The following ACSM3 variants were observed in gnomAD, a reference collection of about 807,000 sequenced individuals.
The protein encoded by ACSM3 is acyl-CoA synthetase medium chain family member 3, also known as acyl-coenzyme A synthetase ACSM3, mitochondrial.
ACSM3 carries 61 observed loss-of-function variants against 74.1 expected under a neutral mutation model. That is an observed-to-expected ratio of 0.82 (90% CI 0.67 to 1.02). The LOEUF is 1.02. Ranked by LOEUF, ACSM3 falls within the 50% of genes least tolerant of loss-of-function variation. The pLI is 0.00. For missense variants in ACSM3, 660 were observed against 697.0 expected, an observed-to-expected ratio of 0.95 and a Z score of 0.60; for synonymous variants, 213 against 241.5, an observed-to-expected ratio of 0.88 and a Z score of 1.09.
At chr16:20,759,714 A>G (rs549787619), upstream of ACSM3, among the ~76,000 whole-genome samples, 1 of 152,198 alleles carries the variant, frequency 6.6e-6, no homozygotes, top group South Asian at 2.1e-4. Context: ...CTGGCTGTTC[A>G]TCTGTATCCT....
At chr16:20,753,984 T>C (rs1256064060) in intron 2 of ACSM3, among the ~76,000 whole-genome samples, 1 of 152,126 alleles carries the variant, frequency 6.6e-6, no homozygotes, top group Non-Finnish European at 1.5e-5. Context: ...GGGAGTAATA[T>C]CCTGGAGTAA....
Position 20,790,462 on chromosome 16 carries a change from C to T in ACSM3, c.1225-125C>T. On this transcript the variant is annotated intron_variant, in intron 9 of 13. Transcript: ENST00000289416. This position sits in a 1 kb window ranked among gnomAD's most constrained non-coding sequence, Gnocchi z 4.0. ...ACAAAGTGAGACCTTGTCTCACACA[C>T]ACAAAATTTTTTTTAAGTCTTCATT... is the stretch of plus-strand genomic sequence containing the variant. 2 of 890,116 alleles carry T rather than the reference C, an allele frequency of 2.2e-6. No homozygotes were observed. The highest frequency in any genetic ancestry group is 1.7e-5 in the African/African-American group (1 of 59,052). 55.1% of individuals were successfully genotyped at this position (890,116 alleles called of 1,614,324 possible). A position where few individuals can be genotyped will look rare whatever the true frequency, so the allele number is the denominator to read the frequency against.
intron 1 of ACSM3, among the ~76,000 whole-genome samples, chr16:20,748,381 G>A (rs1444659972): frequency 2.0e-5 from 3 of 152,010 alleles, no homozygotes; most frequent in African/African-American, 7.3e-5. Context: ...TATTTTAGGG[G>A]TCACACCATC....
chr16:20,790,762 A>T lies in ACSM3; in HGVS notation c.1326+74A>T. 6.2e-7 allele frequency: 1 copy of T among 1,613,520 alleles called. No individual in the cohort carries two copies. Among genetic ancestry groups the T allele is most frequent in the Non-Finnish European group, 8.5e-7 (1 of 1,179,550 alleles). Reference sequence around the variant, plus strand: ...TTGGTAACAATCCCTGTTTGCCACAAAACATACCTAGGATAGGTACTTGAC... The same window carrying T: ...TTGGTAACAATCCCTGTTTGCCACATAACATACCTAGGATAGGTACTTGAC... On this transcript the variant is annotated intron_variant, in intron 10 of 13. Coordinates refer to ENST00000289416, the MANE Select transcript of ACSM3 (RefSeq NM_005622.4). The surrounding 1 kb of genome is among the most constrained non-coding windows in gnomAD (Gnocchi z 4.0).
At chr16:20,713,672 T>G (rs552196683) in intron 1 of ACSM3, among the ~76,000 whole-genome samples, 122 of 152,246 alleles carry the variant, frequency 8.0e-4, no homozygotes, top group Non-Finnish European at 1.4e-3. Context: ...TTTGCAATAT[T>G]CTGTAGAGTC....
intron 12 of ACSM3, chr16:20,792,697 C>T (rs896364667): frequency 1.2e-5 from 12 of 985,252 alleles, no homozygotes; most frequent in South Asian, 4.7e-5. Flanking sequence ...TGGAAACCAA[C>T]GAGGTCCCTG....
intron 1 of ACSM3, among the ~76,000 whole-genome samples, chr16:20,686,706 T>C (rs2079559503): frequency 1.3e-5 from 2 of 151,888 alleles, no homozygotes; most frequent in Non-Finnish European, 2.9e-5. Flanking sequence ...CCCAGCTACT[T>C]GGGAGGCTGA....
At chr16:20,737,182 T>C (rs2079877662) in intron 1 of ACSM3, 2 of 1,614,170 alleles carry the variant, frequency 1.2e-6, no homozygotes, top group Non-Finnish European at 1.7e-6. Flanking sequence ...ATGTAATCTT[T>C]CACAACACTC....
chr16:20,733,086 C>A (rs1175428718), intron 1 of ACSM3: 1 of 152,526 alleles, frequency 6.6e-6, no homozygotes, highest in East Asian at 1.9e-4. Flanking sequence ...TGTTTAAGAT[C>A]CTTCCTGGTT....
In ACSM3 at chr16:20,780,784, G is replaced by A. The variant is rs1387889031; in HGVS notation, c.709G>A (p.Gly237Arg). Residue 237 changes from glycine (G) to arginine (R), a missense_variant, in exon 5 of 14, where the codon GGA (glycine) becomes AGA (arginine). Transcript: ENST00000289416. ...NEIMAIFFTS[G>R]TSGYPKMTAH... ...GATCATGGCCATATTCTTTACCAGT[G>A]GAACAAGTGGATATCCGAAAATGAC... is the stretch of plus-strand genomic sequence containing the variant. 6.2e-7 allele frequency: 1 copy of A among 1,614,056 alleles called. No homozygotes were observed. Among genetic ancestry groups the A allele is most frequent in the African/African-American group, 1.3e-5 (1 of 74,922 alleles).
chr16:20,775,266 G>A (rs1052563842), intron 2 of ACSM3, among the ~76,000 whole-genome samples: 1 of 152,154 alleles, frequency 6.6e-6, no homozygotes, highest in South Asian at 2.1e-4. Flanking sequence ...AGCAGCTCGG[G>A]TCCTGGGGTT....
chr16:20,773,162 T>C (rs1596513948), intron 2 of ACSM3, among the ~76,000 whole-genome samples: 1 of 152,154 alleles, frequency 6.6e-6, no homozygotes, highest in South Asian at 2.1e-4. Flanking sequence ...TGTTGGCATA[T>C]AGTTGTTCAT....
intron 1 of ACSM3, chr16:20,741,551 G>A (rs1313815135): frequency 1.3e-6 from 2 of 1,583,988 alleles, no homozygotes; most frequent in Admixed American, 1.8e-5. Flanking sequence ...CGTTGAGGAG[G>A]CTGTAGGCCT....
rs750977868 is a variant in ACSM3 at position 20,780,858 on chromosome 16, G to A, written c.782+1G>A. 11 of 1,614,078 alleles carry A rather than the reference G, an allele frequency of 6.8e-6. No individual in the cohort carries two copies. In the Admixed American group the frequency reaches 1.7e-4, roughly 24 times the overall value. On this transcript the variant is annotated splice_donor_variant, in intron 5 of 13. Coordinates refer to ENST00000289416, the MANE Select transcript of ACSM3 (RefSeq NM_005622.4). LOFTEE classifies it high-confidence loss of function. ...GTTTAGGATTATCTGTAAATGGAAG[G>A]TATACTTTCACAAAAGTGCAGCTTG...
chr16:20,741,796 G>C, intron 1 of ACSM3: 5 of 1,546,630 alleles, frequency 3.2e-6, no homozygotes, highest in South Asian at 1.2e-5. Context: ...TGGCGTCCTC[G>C]TCTATCGCCG....
chr16:20,729,416 G>A lies in ACSM3; in HGVS notation c.-189-20494G>A, dbSNP rs2079818680. The A allele has an allele frequency of 8.5e-6, 8 of 937,916 alleles. No homozygotes were observed. The East Asian group carries it at 2.0e-4, about 23-fold the overall frequency. 58.1% of individuals were successfully genotyped at this position (937,916 alleles called of 1,614,324 possible). A position where few individuals can be genotyped will look rare whatever the true frequency, so the allele number is the denominator to read the frequency against. ...TTGACAGGGGGGGAGCTCTCCTACT[G>A]GAGGATGTGGTGGTCAAAGGCTTCT... On this transcript the variant is annotated intron_variant, in intron 1 of 3. Transcript: ENST00000561584.
chr16:20,794,520 C>T (rs973119532), intron 12 of ACSM3, among the ~76,000 whole-genome samples: 11 of 152,102 alleles, frequency 7.2e-5, no homozygotes, highest in African/African-American at 9.7e-5. Context: ...AATAGACACA[C>T]GTGGCTAGCA....
chr16:20,681,459 C>T (rs1258324576), intron 1 of ACSM3: 1 of 152,142 alleles, frequency 6.6e-6, no homozygotes. Context: ...TGGTTCTCAA[C>T]CTTTGGAGGA....
chr16:20,716,768 C>T (rs771152564), intron 1 of ACSM3, among the ~76,000 whole-genome samples: 1 of 152,102 alleles, frequency 6.6e-6, no homozygotes, highest in African/African-American at 2.4e-5. Flanking sequence ...CCAGCGTTGG[C>T]CCCCTGGACC....
Sources: gnomAD v4.1 joint callset for allele counts (sites outside exome capture counted in the v4.1 genomes callset) on GRCh38, gnomAD v4.1.1 for gene constraint, Gnocchi (gnomAD v3.1) non-coding constraint, MANE v1.5 for transcripts, NCBI Gene and HGNC (gene_info 2026-07-23, HGNC 2026-07-21) for gene names.